Variants in CD8A observed in about 807,000 individuals in gnomAD.
CD8A encodes the protein CD8 subunit alpha, also known as T-cell surface glycoprotein CD8 alpha chain.
A neutral mutation model predicts 24.2 loss-of-function variants in CD8A; 25 were observed. The observed-to-expected ratio is 1.03, with a 90% CI of 0.75 to 1.44. The LOEUF (loss-of-function observed/expected upper bound fraction) is 1.44. Ranked by LOEUF, CD8A falls within the 40% of genes most tolerant of loss-of-function variation. The probability of loss-of-function intolerance (pLI) is 0.00; values close to 1 mark genes in which losing one functional copy is unlikely to be tolerated. For missense variants in CD8A, 360 were observed against 319.7 expected (o/e 1.13, Z -0.96); for synonymous variants, 165 against 149.9 (o/e 1.10, Z -0.74).
intron 2 of CD8A, among the ~76,000 whole-genome samples, chr2:86,807,208 G>A (rs967325745): frequency 2.0e-5 from 3 of 152,086 alleles, no homozygotes; most frequent in African/African-American, 4.8e-5. Flanking sequence ...CATGGTCCAA[G>A]CTACTTGGGA....
rs10663115 is a variant in CD8A, at chr2:86,788,245, GT to G, written c.656+284del. On this transcript the variant is annotated intron_variant, in intron 5 of 5. Transcript: ENST00000283635. ...AGGATAAATTGGGGGAATCCCTCAG[GT>G]TTTTTTTTTTTTTTTTTGGAAGTGC... 7.5e-3 allele frequency among the ~76,000 whole-genome samples: 947 copies of G among 127,086 alleles called. 8 individuals are homozygous for G. Among genetic ancestry groups the G allele is most frequent in the South Asian group, 0.022 (87 of 4,014 alleles). The allele number at this position is 127,086 out of a possible 152,430, so 83.4% of individuals were successfully genotyped here.
At chr2:86,796,109 G>T (rs1398492591) in intron 3 of CD8A, among the ~76,000 whole-genome samples, 5 of 152,238 alleles carry the variant, frequency 3.3e-5, no homozygotes, top group Admixed American at 2.6e-4. Context: ...ATATACTCTA[G>T]GTTGGACATA....
rs752154945 is a variant in CD8A at position 86,784,622 on chromosome 2, AT to A, written c.*1297del. On this transcript the variant is annotated 3_prime_UTR_variant, in exon 6 of 6. Transcript: ENST00000283635. ...AACCAAAATCGGATGCTGTTTACCC[AT>A]TAAAGAGGATGCTACAAATGTTTAT... 1.2e-4 allele frequency: 46 copies of A among 376,100 alleles called. No individual in the cohort carries two copies. The highest frequency in any genetic ancestry group is 2.1e-4 in the Non-Finnish European group (40 of 189,998). The allele number at this position is 376,100 out of a possible 1,614,324, so 23.3% of individuals were successfully genotyped here.
rs763876643 is a variant in CD8A, at chr2:86,790,687, G to A, written c.50-6C>T. ...CTGGCTCGGCCTGGCGGCGTCTGCA[G>A]GCGGCAAGCAGCGAGGCTGAGCCCG... On this transcript the variant is annotated splice_polypyrimidine_tract_variant and splice_region_variant and intron_variant, in intron 1 of 5. Coordinates refer to ENST00000283635, the MANE Select transcript of CD8A (RefSeq NM_001768.7). 35 of 1,595,946 alleles carry A rather than the reference G, an allele frequency of 2.2e-5. No individual in the cohort carries two copies. Among genetic ancestry groups the A allele is most frequent in the Non-Finnish European group, 5.9e-6 (7 of 1,178,154 alleles).
At chr2:86,806,083 C>A (rs1009395271) in intron 2 of CD8A, among the ~76,000 whole-genome samples, 8 of 152,152 alleles carry the variant, frequency 5.3e-5, no homozygotes, top group African/African-American at 1.9e-4. Flanking sequence ...TTGGTTAATT[C>A]TTTTGAGTGC....
At chr2:86,793,591 G>C (rs548740295), upstream of CD8A, among the ~76,000 whole-genome samples, 10 of 152,322 alleles carry the variant, frequency 6.6e-5, no homozygotes, top group South Asian at 1.9e-3. Flanking sequence ...CACCAGCACT[G>C]TATCAGGAGT....
intron 4 of CD8A, 116 bp downstream of exon 4, chr2:86,789,207 G>A: frequency 1.3e-6 from 1 of 761,954 alleles, no homozygotes. Context: ...GGGGCAGCTC[G>A]GGAGTCCCAG....
At chr2:86,787,257 A>G (rs556944272) in intron 5 of CD8A, among the ~76,000 whole-genome samples, 1 of 151,872 alleles carries the variant, frequency 6.6e-6, no homozygotes, top group African/African-American at 2.4e-5. Flanking sequence ...TCATTTTCAA[A>G]GTCTTTATCC....
At chr2:86,798,322 T>G (rs1228238744) in intron 3 of CD8A, among the ~76,000 whole-genome samples, 2 of 151,684 alleles carry the variant, frequency 1.3e-5, no homozygotes, top group African/African-American at 4.8e-5. Context: ...ATTACAGGCA[T>G]GCACCACCAC....
intron 3 of CD8A, among the ~76,000 whole-genome samples, chr2:86,801,131 C>G (rs2104458936): frequency 6.6e-6 from 1 of 152,328 alleles, no homozygotes; most frequent in South Asian, 2.1e-4. Context: ...GAACTTCTAG[C>G]TTCTAGAACT....
At chr2:86,803,121 T>C (rs1158167474) in intron 2 of CD8A, among the ~76,000 whole-genome samples, 3 of 152,246 alleles carry the variant, frequency 2.0e-5, no homozygotes, top group African/African-American at 4.8e-5. Flanking sequence ...TGAAAAATGT[T>C]TGATGTCAAG....
intron 2 of CD8A, among the ~76,000 whole-genome samples, chr2:86,805,581 G>A (rs1482797789): frequency 1.3e-5 from 2 of 152,128 alleles, no homozygotes; most frequent in Non-Finnish European, 2.9e-5. Flanking sequence ...GGTTGAGACC[G>A]AGCATCTGGC....
chr2:86,800,728 T>C (rs927343304), intron 3 of CD8A, among the ~76,000 whole-genome samples: 1 of 152,186 alleles, frequency 6.6e-6, no homozygotes, highest in African/African-American at 2.4e-5. Flanking sequence ...CCCAAGTGTT[T>C]GCTTTCAACA....
At chr2:86,788,068 G>A (rs1395108260) in intron 5 of CD8A, among the ~76,000 whole-genome samples, 3 of 151,980 alleles carry the variant, frequency 2.0e-5, no homozygotes, top group Non-Finnish European at 2.9e-5. Context: ...AGCAACCAAA[G>A]CCATTATTAT....
chr2:86,791,875 A>G (rs936570494), upstream of CD8A, among the ~76,000 whole-genome samples: 4 of 152,240 alleles, frequency 2.6e-5, no homozygotes, highest in South Asian at 8.3e-4. Flanking sequence ...TAAGCCCTGG[A>G]GGCAGCTCCT....
intron 3 of CD8A, 51 bp downstream of exon 3, chr2:86,789,589 G>T: frequency 1.4e-6 from 2 of 1,383,526 alleles, no homozygotes; most frequent in Non-Finnish European, 2.0e-6. Context: ...CCTGGCATGG[G>T]CTCTCCCCGC....
chr2:86,789,711 G>A lies in CD8A; in HGVS notation c.443C>T (p.Pro148Leu), dbSNP rs865919441. 1.4e-6 allele frequency: 2 copies of A among 1,384,638 alleles called. No individual in the cohort carries two copies. The highest frequency in any genetic ancestry group is 9.3e-7 in the Non-Finnish European group (1 of 1,077,210). 85.8% of individuals were successfully genotyped at this position (1,384,638 alleles called of 1,614,324 possible). A position where few individuals can be genotyped will look rare whatever the true frequency, so the allele number is the denominator to read the frequency against. ...GGGCTGCGACGCGATGGTGGGCGCC[G>A]GTGTTGGTGGTCGCGGCGCTGGCGT... ...TTTPAPRPPTPAPTIASQPLS... is the reference protein window; with the variant it reads ...TTTPAPRPPTLAPTIASQPLS... Residue 148 changes from proline to leucine, a missense_variant, in exon 3 of 6, where the codon CCG becomes CTG. Pro to Leu is a moderately conservative substitution (Grantham distance 98). Transcript: ENST00000283635.
At position 86,790,834 on chromosome 2, in the gene CD8A, C is replaced by G. The variant is rs1327050409; in HGVS notation, c.-9G>C. ...GTCACTGGTAAGGCCATGACGCGCT[C>G]CCCAGGACGCTGCTTGGCTCGAAGC... On this transcript the variant is annotated 5_prime_UTR_variant, in exon 1 of 6. Transcript: ENST00000283635. The G allele has an allele frequency of 3.9e-6, 6 of 1,541,674 alleles. No homozygotes were observed. Among genetic ancestry groups the G allele is most frequent in the Non-Finnish European group, 5.2e-6 (6 of 1,147,922 alleles).
intron 3 of CD8A, among the ~76,000 whole-genome samples, chr2:86,797,500 C>A (rs1339689631): frequency 1.3e-5 from 2 of 151,978 alleles, no homozygotes; most frequent in Non-Finnish European, 2.9e-5. Flanking sequence ...TGCCCCTGAC[C>A]CACATGAGGA....
Sources: gnomAD v4.1 joint callset for allele counts (sites outside exome capture counted in the v4.1 genomes callset) on GRCh38, gnomAD v4.1.1 for gene constraint, MANE v1.5 for transcripts, NCBI Gene and HGNC (gene_info 2026-07-23, HGNC 2026-07-21) for gene names.